The following FLI1 variants were observed in gnomAD, a reference collection of about 807,000 sequenced individuals.
The protein encoded by FLI1 is Friend leukemia integration 1 transcription factor.
FLI1 carries 13 observed loss-of-function variants against 53.1 expected under a neutral mutation model. That is an observed-to-expected ratio of 0.24 (90% CI 0.16 to 0.39). The LOEUF (loss-of-function observed/expected upper bound fraction) is 0.39. Ranked by LOEUF, FLI1 falls within the 10% of genes least tolerant of loss-of-function variation. FLI1 has a pLI of 1.00. For missense variants in FLI1, 424 were observed against 600.5 expected (o/e 0.71, Z 3.07); for synonymous variants, 244 against 236.7 (o/e 1.03, Z -0.28).
intron 4 of FLI1, among the ~76,000 whole-genome samples, chr11:128,778,369 C>T (rs1004053771): frequency 1.2e-4 from 19 of 152,192 alleles, no homozygotes; most frequent in Admixed American, 8.5e-4. Context: ...ACCCCACAAC[C>T]GCTTCCTCCA....
chr11:128,749,276 G>A (rs1173822233), intron 1 of FLI1, among the ~76,000 whole-genome samples: 1 of 152,182 alleles, frequency 6.6e-6, no homozygotes, highest in Admixed American at 6.5e-5. Context: ...GGTTACTATG[G>A]CTACATAAGA....
intron 1 of FLI1, among the ~76,000 whole-genome samples, chr11:128,715,512 C>T (rs1408083082): frequency 6.6e-6 from 1 of 152,184 alleles, no homozygotes. Flanking sequence ...CATGGGACTA[C>T]CAGGACCGAG....
In FLI1 at chr11:128,810,412, C is replaced by G; in HGVS notation, c.830-47C>G. 1.3e-6 allele frequency: 2 copies of G among 1,528,066 alleles called. No homozygotes were observed. The highest frequency in any genetic ancestry group is 1.8e-6 in the Non-Finnish European group (2 of 1,139,488). The allele number at this position is 1,528,066 out of a possible 1,614,324, so 94.7% of individuals were successfully genotyped here. On this transcript the variant is annotated intron_variant, in intron 8 of 8. Coordinates refer to ENST00000527786, the MANE Select transcript of FLI1 (RefSeq NM_002017.5). This position sits in a 1 kb window ranked among gnomAD's most constrained non-coding sequence, Gnocchi z 6.6. ...TTTAGGGAACTGGGTTCTGCCTTCT[C>G]TGGGCTGAGGTGTTCTGTTCTCTCC...
At chr11:128,708,975 C>T (rs1259443711) in intron 1 of FLI1, among the ~76,000 whole-genome samples, 1 of 152,190 alleles carries the variant, frequency 6.6e-6, no homozygotes, top group Non-Finnish European at 1.5e-5. Flanking sequence ...AAAGGTGAGA[C>T]AAAACCTTAG....
chr11:128,796,400 T>A (rs1182997442), intron 5 of FLI1, among the ~76,000 whole-genome samples: 1 of 152,226 alleles, frequency 6.6e-6, no homozygotes, highest in Non-Finnish European at 1.5e-5. Flanking sequence ...CTATGAGTCA[T>A]AATTTCAATT....
chr11:128,773,104 G>T, intron 4 of FLI1, 119 bp downstream of exon 4: 1 of 923,322 alleles, frequency 1.1e-6, no homozygotes. Context: ...GCATCGTGGG[G>T]CCTGTAGTGT....
At chr11:128,720,056 A>G (rs779038869) in intron 1 of FLI1, among the ~76,000 whole-genome samples, 1 of 152,356 alleles carries the variant, frequency 6.6e-6, no homozygotes, top group Middle Eastern at 3.4e-3. Flanking sequence ...AAGCACGCAT[A>G]GTCTCACAAT....
rs1209519352 is a variant in FLI1, at chr11:128,807,232, C to G, written c.774C>G (p.Pro258=). 6.3e-7 allele frequency: 1 copy of G among 1,598,146 alleles called. No individual in the cohort carries two copies. Residue 258 remains proline (P), a synonymous_variant, in exon 7 of 9, where the codon CCC becomes CCG. Transcript: ENST00000527786. The stretch of plus-strand genomic sequence containing the variant: ...TCAGTAAGAATACAGAGCAACGGCC[C>G]CAGCCAGGTACCTGCCCAGGATATG... ...QTISKNTEQR[P]QPDPYQILGP...
intron 1 of FLI1, among the ~76,000 whole-genome samples, chr11:128,747,183 C>G (rs538788773): frequency 6.6e-6 from 1 of 152,346 alleles, no homozygotes; most frequent in East Asian, 1.9e-4. Flanking sequence ...AAGCAGGGTT[C>G]TGGAGGAGAC....
intron 1 of FLI1, among the ~76,000 whole-genome samples, chr11:128,695,302 G>A (rs1938011254): frequency 6.6e-6 from 1 of 152,268 alleles, no homozygotes; most frequent in South Asian, 2.1e-4. Context: ...CAGAGAGGAG[G>A]GACACCCCCT....
At chr11:128,722,257 C>T (rs1219600267) in intron 1 of FLI1, among the ~76,000 whole-genome samples, 3 of 152,102 alleles carry the variant, frequency 2.0e-5, no homozygotes, top group African/African-American at 7.2e-5. Context: ...ATATGGAAAA[C>T]CTGAAACATT....
intron 1 of FLI1, among the ~76,000 whole-genome samples, chr11:128,723,933 ATTTTTTTTTTTTTT>A (rs376612983): frequency 1.2e-5 from 1 of 80,976 alleles, no homozygotes; most frequent in Non-Finnish European, 2.2e-5. Context: ...AATGGAGTTG[ATTTTTTTTTTTTTT>A]TTTTTTTTTT....
At chr11:128,740,127 G>T (rs1017795570) in intron 1 of FLI1, among the ~76,000 whole-genome samples, 2 of 152,270 alleles carry the variant, frequency 1.3e-5, no homozygotes, top group Non-Finnish European at 1.5e-5. Context: ...AAACCCTAAG[G>T]CCTGTAGCGG....
Position 128,782,027 on chromosome 11 carries a change from A to T in FLI1, c.655+4A>T. ...TCACGATTGAGTGTCAAAGAAGGTA[A>T]GTTTGTTCTTTTGTGCACTTAAAAT... On this transcript the variant is annotated splice_donor_region_variant and intron_variant, in intron 5 of 8. Coordinates refer to ENST00000527786, the MANE Select transcript of FLI1 (RefSeq NM_002017.5). The T allele has an allele frequency of 5.6e-6, 9 of 1,612,440 alleles. No homozygotes were observed. Among genetic ancestry groups the T allele is most frequent in the Non-Finnish European group, 7.6e-6 (9 of 1,178,526 alleles).
At chr11:128,803,366 G>A (rs1942689209) in intron 5 of FLI1, among the ~76,000 whole-genome samples, 2 of 152,118 alleles carry the variant, frequency 1.3e-5, no homozygotes, top group African/African-American at 4.8e-5. Context: ...CCTTGAACAT[G>A]CCTCGGCCCT....
At chr11:128,752,784 A>G (rs1940706146) in intron 1 of FLI1, among the ~76,000 whole-genome samples, 1 of 152,240 alleles carries the variant, frequency 6.6e-6, no homozygotes, top group Admixed American at 6.5e-5. Flanking sequence ...TGTATTTAAT[A>G]AGTGCTGTGA....
In FLI1 at chr11:128,694,267, G is replaced by C. The variant is rs955904174; in HGVS notation, c.9G>C (p.Gly3=). 6 of 1,417,090 alleles carry C rather than the reference G, an allele frequency of 4.2e-6. No homozygotes were observed. Among genetic ancestry groups the C allele is most frequent in the Non-Finnish European group, 5.6e-6 (6 of 1,077,072 alleles). The allele number at this position is 1,417,090 out of a possible 1,614,324, so 87.8% of individuals were successfully genotyped here. A position where few individuals can be genotyped will look rare whatever the true frequency, so the allele number is the denominator to read the frequency against. ...GCTGCAGACTTGGCCAAATGGACGG[G>C]ACTATTAAGGTAAGCGGCGGGGCAA... MD[G]TIKEALSVVS... The change falls in exon 1 of 9, where the codon GGG becomes GGC. Residue 3 remains glycine (G), a synonymous_variant. Coordinates refer to ENST00000527786, the MANE Select transcript of FLI1 (RefSeq NM_002017.5).
At chr11:128,698,191 A>G (rs748462062) in intron 1 of FLI1, among the ~76,000 whole-genome samples, 9 of 152,232 alleles carry the variant, frequency 5.9e-5, no homozygotes, top group Non-Finnish European at 8.8e-5. Flanking sequence ...AAGAAGCAGC[A>G]GAGTGAGGAA....
intron 5 of FLI1, among the ~76,000 whole-genome samples, chr11:128,783,903 G>T (rs1942000794): frequency 6.6e-6 from 1 of 151,896 alleles, no homozygotes. Flanking sequence ...AAAAAAGAAG[G>T]GGAAAAATGA....
Sources: gnomAD v4.1 joint callset for allele counts (sites outside exome capture counted in the v4.1 genomes callset) on GRCh38, gnomAD v4.1.1 for gene constraint, Gnocchi (gnomAD v3.1) non-coding constraint, MANE v1.5 for transcripts, NCBI Gene and HGNC (gene_info 2026-07-23, HGNC 2026-07-21) for gene names.